VWA8: variants seen among roughly 807,000 people sequenced by gnomAD.
VWA8 encodes the protein von Willebrand factor A domain-containing protein 8.
VWA8 carries 221 observed loss-of-function variants against 241.5 expected under a neutral mutation model. The ratio of observed to expected loss-of-function variants is 0.91; its 90% CI spans 0.82 to 1.02. The LOEUF (loss-of-function observed/expected upper bound fraction) is 1.02. VWA8 is among the 50% of genes least tolerant of loss of function. The pLI, the probability that VWA8 is intolerant of heterozygous loss-of-function variation, is 0.00. For synonymous variants in VWA8, 852 were observed against 827.1 expected (o/e 1.03, Z -0.52); for missense variants, 2,322 against 2,328.7 (o/e 1.00, Z 0.06).
At chr13:41,780,126 T>C (rs1288304731) in intron 19 of VWA8, among the ~76,000 whole-genome samples, 2 of 152,170 alleles carry the variant, frequency 1.3e-5, no homozygotes, top group Non-Finnish European at 2.9e-5. Flanking sequence ...TGGGGCAGGT[T>C]GTGACTATCT....
chr13:41,569,056 A>AAAAG (rs1278791274), intron 44 of VWA8, among the ~76,000 whole-genome samples: 2 of 152,254 alleles, frequency 1.3e-5, no homozygotes, highest in Non-Finnish European at 2.9e-5. Context: ...AGTTCTCTTC[A>AAAAG]AAAGAACGCC....
At chr13:41,698,978 C>A in intron 29 of VWA8, 93 bp downstream of exon 29, 1 of 1,554,300 alleles carries the variant, frequency 6.4e-7, no homozygotes, top group South Asian at 1.1e-5. Context: ...CCTTGATCAT[C>A]ATGAAAGCAC....
intron 22 of VWA8, 76 bp downstream of exon 22, chr13:41,732,004 T>G (rs141777501): frequency 7.8e-7 from 1 of 1,280,376 alleles, no homozygotes; most frequent in Non-Finnish European, 1.1e-6. Context: ...CCATGAGAGT[T>G]CCATCCTCCA....
Position 41,953,427 on chromosome 13 carries a change from G to C in VWA8, c.164-3414C>G, listed in dbSNP as rs530667587. On this transcript the variant is annotated intron_variant, in intron 1 of 44. Transcript: ENST00000379310. Reference sequence around the variant, plus strand: ...TTTAGTATTGTAATTGGTTCCTCATGATCAGAATGCATATCCTTTTTAAAT... The same window carrying C: ...TTTAGTATTGTAATTGGTTCCTCATCATCAGAATGCATATCCTTTTTAAAT... Among the ~76,000 whole-genome samples, 65 of 152,304 alleles carry C rather than the reference G, an allele frequency of 4.3e-4. 1 individual carries two copies. The South Asian group carries it at 0.012, about 28-fold the overall frequency.
At chr13:41,655,499 G>T (rs888417465) in intron 37 of VWA8, among the ~76,000 whole-genome samples, 2 of 140,348 alleles carry the variant, frequency 1.4e-5, no homozygotes, top group Non-Finnish European at 3.1e-5. Context: ...CAGAGAGAGA[G>T]AGAGAGAGAG....
intron 2 of VWA8, among the ~76,000 whole-genome samples, chr13:41,932,637 G>T (rs920463752): frequency 6.6e-6 from 1 of 151,692 alleles, no homozygotes; most frequent in Admixed American, 6.6e-5. Context: ...GGAATGAGAA[G>T]TTGAAAAGTT....
intron 44 of VWA8, 39 bp from the exon 45 acceptor site, chr13:41,568,344 A>G (rs1340424035): frequency 1.3e-6 from 2 of 1,567,134 alleles, no homozygotes; most frequent in South Asian, 2.2e-5. Context: ...ACCACTGTAA[A>G]TGGGGCTCCC....
chr13:41,714,422 G>T (rs768354643), intron 26 of VWA8, among the ~76,000 whole-genome samples: 1 of 151,970 alleles, frequency 6.6e-6, no homozygotes, highest in Non-Finnish European at 1.5e-5. Context: ...TTTATAGAAT[G>T]TGTGTCTCCT....
At chr13:41,814,796 C>T (rs888555040) in intron 16 of VWA8, among the ~76,000 whole-genome samples, 3 of 152,088 alleles carry the variant, frequency 2.0e-5, no homozygotes, top group Admixed American at 2.0e-4. Context: ...ACAGTAGGAA[C>T]ACTGTGCAAA....
chr13:41,721,338 G>T, intron 25 of VWA8, 32 bp downstream of exon 25: 1 of 1,605,630 alleles, frequency 6.2e-7, no homozygotes, highest in Non-Finnish European at 8.5e-7. Context: ...AGAGAGTGAT[G>T]GCTCTTAGGT....
At chr13:41,892,484 TGCCTG>T (rs967148680) in intron 4 of VWA8, among the ~76,000 whole-genome samples, 1 of 152,206 alleles carries the variant, frequency 6.6e-6, no homozygotes, top group African/African-American at 2.4e-5. Flanking sequence ...TTGTCTTCTG[TGCCTG>T]TCCATTAAAT....
intron 41 of VWA8, 97 bp from the exon 42 acceptor site, chr13:41,587,767 C>A (rs1391902300): frequency 2.7e-6 from 4 of 1,460,876 alleles, no homozygotes; most frequent in Non-Finnish European, 3.7e-6. Context: ...GTGCCAGCCC[C>A]GAGATGGGCA....
intron 40 of VWA8, among the ~76,000 whole-genome samples, chr13:41,599,539 G>C (rs546680912): frequency 1.3e-5 from 2 of 152,114 alleles, no homozygotes; most frequent in East Asian, 3.9e-4. Context: ...TATGTTTTCT[G>C]TGTCCTTATT....
chr13:41,845,742 C>CACTCATGT (rs1395361018), intron 12 of VWA8, among the ~76,000 whole-genome samples: 1 of 152,150 alleles, frequency 6.6e-6, no homozygotes, highest in Non-Finnish European at 1.5e-5. Flanking sequence ...TGTTCTCACT[C>CACTCATGT]ACTCATGTTC....
At chr13:41,646,349 TA>T in intron 37 of VWA8, among the ~76,000 whole-genome samples, 1 of 152,322 alleles carries the variant, frequency 6.6e-6, no homozygotes, top group African/African-American at 2.4e-5. Context: ...ATTCAGTGAG[TA>T]ATGATGATGA....
chr13:41,600,746 C>T (rs1055100216), intron 40 of VWA8, among the ~76,000 whole-genome samples: 7 of 152,086 alleles, frequency 4.6e-5, no homozygotes, highest in African/African-American at 1.7e-4. Flanking sequence ...CAAGTCTGTC[C>T]TCTTCCTGTG....
intron 17 of VWA8, among the ~76,000 whole-genome samples, chr13:41,798,669 T>C (rs913591103): frequency 1.3e-5 from 2 of 152,212 alleles, no homozygotes; most frequent in African/African-American, 4.8e-5. Context: ...TGTAGACTCA[T>C]GTCTTTCTGC....
intron 24 of VWA8, among the ~76,000 whole-genome samples, chr13:41,725,783 A>G (rs1158601388): frequency 6.6e-6 from 1 of 152,216 alleles, no homozygotes; most frequent in Non-Finnish European, 1.5e-5. Flanking sequence ...ACATAAAAAG[A>G]ACTCAAACCT....
chr13:41,911,747 T>G lies in VWA8; in HGVS notation c.372+291A>C, dbSNP rs1403084712. Among the ~76,000 whole-genome samples the G allele has an allele frequency of 4.6e-5, 7 of 152,242 alleles. No individual in the cohort carries two copies. In the East Asian group the frequency reaches 1.3e-3, roughly 29 times the overall value. On this transcript the variant is annotated intron_variant, in intron 3 of 44. Transcript: ENST00000379310. Reference sequence around the variant, plus strand: ...AAGTTTTGCTTTGTAATTTCAGACTTGCTGATTCTATCTGCTACTCATTGC... The same window carrying G: ...AAGTTTTGCTTTGTAATTTCAGACTGGCTGATTCTATCTGCTACTCATTGC...
Sources: allele counts gnomAD v4.1 joint callset (sites outside exome capture counted in the v4.1 genomes callset), GRCh38; gene constraint gnomAD v4.1.1; transcripts MANE v1.5; gene names NCBI Gene and HGNC (gene_info 2026-07-23, HGNC 2026-07-21).